The following SUMF1 variants were observed in gnomAD, a reference collection of about 807,000 sequenced individuals.
The protein encoded by SUMF1 is formylglycine-generating enzyme.
SUMF1 carries 48 observed loss-of-function variants against 47.6 expected under a neutral mutation model. The ratio of observed to expected loss-of-function variants is 1.01; its 90% CI spans 0.80 to 1.28. The LOEUF is 1.28. Among genes scored for constraint, SUMF1 ranks in the 50% most tolerant of loss-of-function variants. The pLI, the probability that SUMF1 is intolerant of heterozygous loss-of-function variation, is 0.00. For missense variants in SUMF1, 571 were observed against 485.4 expected (o/e 1.18, Z -1.66); for synonymous variants, 230 against 192.1 (o/e 1.20, Z -1.63).
At chr3:4,385,634 G>A (rs1700648111) in intron 7 of SUMF1, among the ~76,000 whole-genome samples, 1 of 152,088 alleles carries the variant, frequency 6.6e-6, no homozygotes, top group Non-Finnish European at 1.5e-5. Flanking sequence ...TTTTTATAAA[G>A]TCCAGTTTAT....
At chr3:4,294,574 C>G (rs147140718) in intron 8 of SUMF1, among the ~76,000 whole-genome samples, 2 of 152,232 alleles carry the variant, frequency 1.3e-5, no homozygotes, top group East Asian at 1.9e-4. Flanking sequence ...GCCTGGGCAA[C>G]AGAGCAAGAA....
Position 4,362,043 on chromosome 3 carries a change from G to A in SUMF1, c.*101C>T. ...TTGGGCAGGTATGTAACCCACCTCAGGGTGGGAATTCTTTGCATGGGATCG... is the reference window on the plus strand; with the variant it reads ...TTGGGCAGGTATGTAACCCACCTCAAGGTGGGAATTCTTTGCATGGGATCG... On this transcript the variant is annotated 3_prime_UTR_variant, in exon 9 of 9. Transcript: ENST00000272902. The A allele has an allele frequency of 8.5e-7, 1 of 1,174,432 alleles. No homozygotes were observed. Among genetic ancestry groups the A allele is most frequent in the Non-Finnish European group, 1.3e-6 (1 of 798,084 alleles). The allele number at this position is 1,174,432 out of a possible 1,614,324, so 72.8% of individuals were successfully genotyped here. A position where few individuals can be genotyped will look rare whatever the true frequency, so the allele number is the denominator to read the frequency against.
At chr3:4,136,584 T>G (rs1405927235) in intron 8 of SUMF1, among the ~76,000 whole-genome samples, 3 of 151,394 alleles carry the variant, frequency 2.0e-5, no homozygotes, top group East Asian at 1.9e-4. Context: ...GTCTAAAACA[T>G]CAAAAGCAAT....
intron 8 of SUMF1, among the ~76,000 whole-genome samples, chr3:4,237,570 G>C (rs1349468485): frequency 1.3e-5 from 2 of 151,818 alleles, no homozygotes; most frequent in Admixed American, 1.3e-4. Context: ...TTTTCTCCCA[G>C]TCTGTCACTT....
intron 6 of SUMF1, chr3:4,414,932 T>C (rs1701659830): frequency 1.3e-5 from 2 of 152,182 alleles, no homozygotes; most frequent in Admixed American, 1.3e-4. Context: ...CTTATATCAT[T>C]CGTTTGGTTC....
At chr3:4,413,888 G>C (rs1701624278) in intron 6 of SUMF1, among the ~76,000 whole-genome samples, 1 of 151,976 alleles carries the variant, frequency 6.6e-6, no homozygotes, top group Non-Finnish European at 1.5e-5. Flanking sequence ...TTTTAAGATA[G>C]AGTCTCACTC....
At chr3:4,447,043 C>T (rs1049172847) in intron 3 of SUMF1, among the ~76,000 whole-genome samples, 1 of 152,108 alleles carries the variant, frequency 6.6e-6, no homozygotes, top group East Asian at 1.9e-4. Context: ...GGATGTGGCA[C>T]CTGGATGGGG....
intron 8 of SUMF1, among the ~76,000 whole-genome samples, chr3:4,188,084 C>G (rs1361487252): frequency 1.3e-5 from 2 of 152,118 alleles, no homozygotes; most frequent in African/African-American, 2.4e-5. Flanking sequence ...CCCGCATTAT[C>G]AACATCCCTC....
At chr3:4,359,506 T>C (rs781438432), downstream of SUMF1, among the ~76,000 whole-genome samples, 64 of 152,224 alleles carry the variant, frequency 4.2e-4, no homozygotes, top group Admixed American at 2.3e-3. Context: ...AACTCCGTGT[T>C]CACACTGCTA....
chr3:4,246,725 T>C (rs1696679786), intron 8 of SUMF1, among the ~76,000 whole-genome samples: 1 of 152,112 alleles, frequency 6.6e-6, no homozygotes, highest in Non-Finnish European at 1.5e-5. Context: ...TGATGTCTTT[T>C]AGTTGAAGAT....
intron 6 of SUMF1, among the ~76,000 whole-genome samples, chr3:4,415,858 G>C (rs572499366): frequency 6.6e-6 from 1 of 152,312 alleles, no homozygotes; most frequent in African/African-American, 2.4e-5. Context: ...CAAGGTTGAA[G>C]TGAGTGCTCT....
chr3:4,181,219 C>T (rs1039379152), intron 8 of SUMF1, among the ~76,000 whole-genome samples: 2 of 152,082 alleles, frequency 1.3e-5, no homozygotes, highest in East Asian at 1.9e-4. Flanking sequence ...TGTTTTCCTT[C>T]GCTCTGTTGT....
chr3:4,298,122 T>C (rs1697890807), intron 8 of SUMF1, among the ~76,000 whole-genome samples: 2 of 152,344 alleles, frequency 1.3e-5, no homozygotes, highest in South Asian at 2.1e-4. Context: ...ATCAATGCAA[T>C]ATTCAGTTCC....
At chr3:4,119,160 G>T (rs1454604690) in intron 8 of SUMF1, among the ~76,000 whole-genome samples, 3 of 152,078 alleles carry the variant, frequency 2.0e-5, no homozygotes, top group Non-Finnish European at 4.4e-5. Flanking sequence ...TCAACCTTCA[G>T]ATTAGAAAGA....
At chr3:4,439,328 A>G (rs1702502359) in intron 3 of SUMF1, among the ~76,000 whole-genome samples, 1 of 152,086 alleles carries the variant, frequency 6.6e-6, no homozygotes, top group Admixed American at 6.5e-5. Context: ...GTTTGGGAAC[A>G]GCCTGGGCAA....
intron 8 of SUMF1, among the ~76,000 whole-genome samples, chr3:4,156,295 T>G (rs1202248923): frequency 6.6e-6 from 1 of 151,372 alleles, no homozygotes; most frequent in African/African-American, 2.5e-5. Flanking sequence ...GGAATGAAAA[T>G]TCTCTCCATC....
At chr3:4,363,089 T>C (rs576924319) in intron 8 of SUMF1, among the ~76,000 whole-genome samples, 80 of 152,288 alleles carry the variant, frequency 5.3e-4, no homozygotes, top group Admixed American at 1.5e-3. Flanking sequence ...ATGTTTCCTA[T>C]ATGAAACCTA....
intron 9 of SUMF1, among the ~76,000 whole-genome samples, chr3:4,061,288 C>G (rs1247533201): frequency 6.6e-6 from 1 of 152,050 alleles, no homozygotes; most frequent in African/African-American, 2.4e-5. Context: ...GAGTTTCTTT[C>G]TCAGAAAACC....
At chr3:4,255,182 G>T (rs1021227205) in intron 8 of SUMF1, among the ~76,000 whole-genome samples, 1 of 142,650 alleles carries the variant, frequency 7.0e-6, no homozygotes, top group Non-Finnish European at 1.6e-5. Flanking sequence ...AAAGACCATC[G>T]AGACTAGGAA....
Sources: allele counts gnomAD v4.1 joint callset (sites outside exome capture counted in the v4.1 genomes callset), GRCh38; gene constraint gnomAD v4.1.1; transcripts MANE v1.5; gene names NCBI Gene and HGNC (gene_info 2026-07-23, HGNC 2026-07-21).